The following RANBP10 variants were observed in gnomAD, a reference collection of about 807,000 sequenced individuals.
RANBP10 encodes the protein ran-binding protein 10.
RANBP10 carries 24 observed loss-of-function variants against 72.8 expected under a neutral mutation model. That is an observed-to-expected ratio of 0.33 (90% CI 0.24 to 0.46). The LOEUF is 0.46. Ranked by LOEUF, RANBP10 falls within the 20% of genes least tolerant of loss-of-function variation. The pLI is 1.00. For missense variants in RANBP10, 679 were observed against 817.5 expected (o/e 0.83, Z 2.07); for synonymous variants, 310 against 322.3 (o/e 0.96, Z 0.41).
intron 3 of RANBP10, among the ~76,000 whole-genome samples, chr16:67,764,730 T>C (rs2054464410): frequency 6.6e-6 from 1 of 152,192 alleles, no homozygotes; most frequent in African/African-American, 2.4e-5. Context: ...AACAGACATA[T>C]GTCATTTCTG....
intron 2 of RANBP10, among the ~76,000 whole-genome samples, chr16:67,795,928 T>C (rs2055124562): frequency 6.7e-6 from 1 of 150,230 alleles, no homozygotes; most frequent in Non-Finnish European, 1.5e-5. Flanking sequence ...TTTTTTTTTT[T>C]TTTTTGGAGA....
At chr16:67,767,197 G>A (rs1191743884) in intron 3 of RANBP10, among the ~76,000 whole-genome samples, 1 of 152,024 alleles carries the variant, frequency 6.6e-6, no homozygotes, top group African/African-American at 2.4e-5. Flanking sequence ...GCTCCATATG[G>A]TCCCATCTCA....
intron 2 of RANBP10, among the ~76,000 whole-genome samples, chr16:67,779,024 G>T (rs753494886): frequency 3.3e-4 from 50 of 152,228 alleles, no homozygotes; most frequent in Non-Finnish European, 6.6e-4. Context: ...GGCCCAGGAA[G>T]TTGAGGCTGC....
chr16:67,785,838 A>C (rs777064913), intron 2 of RANBP10, among the ~76,000 whole-genome samples: 1 of 151,632 alleles, frequency 6.6e-6, no homozygotes, highest in South Asian at 2.1e-4. Flanking sequence ...CATCCTGGCT[A>C]AAACGGTGAA....
intron 1 of RANBP10, among the ~76,000 whole-genome samples, 172 bp downstream of exon 1, chr16:67,806,130 G>C (rs1338666936): frequency 6.6e-6 from 1 of 152,230 alleles, no homozygotes; most frequent in East Asian, 1.9e-4. Context: ...ACAGAGAACA[G>C]GCAGTCAGCC....
At chr16:67,761,466 G>T (rs968983168) in intron 3 of RANBP10, among the ~76,000 whole-genome samples, 2 of 152,202 alleles carry the variant, frequency 1.3e-5, no homozygotes, top group African/African-American at 4.8e-5. Context: ...TACAGCTACC[G>T]TACTAAACAC....
chr16:67,735,267 G>C (rs2053820478), intron 5 of RANBP10, among the ~76,000 whole-genome samples: 1 of 152,220 alleles, frequency 6.6e-6, no homozygotes. Context: ...ACATCATGGA[G>C]AGTGTCCTGC....
intron 3 of RANBP10, among the ~76,000 whole-genome samples, chr16:67,754,294 G>A (rs978430917): frequency 2.0e-5 from 3 of 152,218 alleles, no homozygotes; most frequent in African/African-American, 7.2e-5. Flanking sequence ...CTTCTCAGAT[G>A]TAGAAAGTCC....
At chr16:67,792,545 G>C (rs1375548796) in intron 2 of RANBP10, among the ~76,000 whole-genome samples, 1 of 147,910 alleles carries the variant, frequency 6.8e-6, no homozygotes, top group Non-Finnish European at 1.5e-5. Flanking sequence ...CTGGGTGACA[G>C]AGCGAGACTC....
chr16:67,737,145 GTT>G (rs11325297), intron 5 of RANBP10, among the ~76,000 whole-genome samples: 221 of 119,852 alleles, frequency 1.8e-3, no homozygotes, highest in Non-Finnish European at 1.8e-3. Flanking sequence ...ATCCTTTTCT[GTT>G]TTTTTTTTTT....
chr16:67,731,359 A>T, intron 7 of RANBP10, 113 bp downstream of exon 7: 2 of 834,968 alleles, frequency 2.4e-6, no homozygotes, highest in South Asian at 1.5e-5. Context: ...CAAGCTGGTC[A>T]TGAGGACCAG....
At chr16:67,780,675 C>T (rs1374104965) in intron 2 of RANBP10, among the ~76,000 whole-genome samples, 1 of 152,138 alleles carries the variant, frequency 6.6e-6, no homozygotes, top group East Asian at 1.9e-4. Flanking sequence ...GAGTCATTCC[C>T]ATGGAAGATG....
chr16:67,786,102 G>A (rs1363851344), intron 2 of RANBP10, among the ~76,000 whole-genome samples: 2 of 151,992 alleles, frequency 1.3e-5, no homozygotes, highest in African/African-American at 2.4e-5. Context: ...GTGGAGGCAG[G>A]AGGACTGCTT....
intron 2 of RANBP10, among the ~76,000 whole-genome samples, chr16:67,777,312 A>T (rs2054724900): frequency 6.6e-6 from 1 of 151,898 alleles, no homozygotes; most frequent in Non-Finnish European, 1.5e-5. Flanking sequence ...TGAGGCGGGC[A>T]GATCACAAGG....
At chr16:67,792,924 A>G (rs1420753836) in intron 2 of RANBP10, among the ~76,000 whole-genome samples, 2 of 152,174 alleles carry the variant, frequency 1.3e-5, no homozygotes, top group East Asian at 3.9e-4. Context: ...CCGAGAGATT[A>G]CCAGACAAAA....
At chr16:67,797,457 G>A (rs954853976) in intron 2 of RANBP10, among the ~76,000 whole-genome samples, 2 of 152,046 alleles carry the variant, frequency 1.3e-5, no homozygotes, top group African/African-American at 4.8e-5. Flanking sequence ...TTGATTGAGC[G>A]TAGGAGTTCC....
chr16:67,772,113 C>CAA, intron 2 of RANBP10, 27 bp from the exon 3 acceptor site: 1 of 1,385,248 alleles, frequency 7.2e-7, no homozygotes, highest in Non-Finnish European at 9.8e-7. Flanking sequence ...AAAAAAAACA[C>CAA]AAAATTTTTG....
At chr16:67,732,491 A>G (rs2053753183) in intron 6 of RANBP10, among the ~76,000 whole-genome samples, 1 of 152,226 alleles carries the variant, frequency 6.6e-6, no homozygotes, top group African/African-American at 2.4e-5. Context: ...TGGAAGGCAC[A>G]GAAGTTTGGG....
chr16:67,745,885 G>A (rs969839856), intron 3 of RANBP10, among the ~76,000 whole-genome samples: 17 of 151,974 alleles, frequency 1.1e-4, no homozygotes, highest in South Asian at 2.1e-4. Flanking sequence ...GTCCAGGTGC[G>A]GTGGCTCACG....
Sources: gnomAD v4.1 joint callset for allele counts (sites outside exome capture counted in the v4.1 genomes callset) on GRCh38, gnomAD v4.1.1 for gene constraint, MANE v1.5 for transcripts, NCBI Gene and HGNC (gene_info 2026-07-23, HGNC 2026-07-21) for gene names.